The following SNTG1 variants were observed in gnomAD, a reference collection of about 807,000 sequenced individuals.
The protein encoded by SNTG1 is gamma-1-syntrophin.
In SNTG1, 39 loss-of-function variants were observed where a neutral mutation model predicts 74.7. The ratio of observed to expected loss-of-function variants is 0.52; its 90% confidence interval spans 0.40 to 0.68. The LOEUF is 0.68. Ranked by LOEUF, SNTG1 falls within the 30% of genes least tolerant of loss-of-function variation. The probability of loss-of-function intolerance (pLI) is 0.00; values close to 1 mark genes in which losing one functional copy is unlikely to be tolerated. For missense variants in SNTG1, 685 were observed against 609.5 expected (o/e 1.12, Z -1.30); for synonymous variants, 254 against 217.1 (o/e 1.17, Z -1.49).
At position 50,206,601 on chromosome 8, in the gene SNTG1, AT is replaced by A. The variant is rs1490538447; in HGVS notation, c.-28+33970del. On this transcript the variant is annotated intron_variant, in intron 2 of 18. Coordinates refer to ENST00000642720, the MANE Select transcript of SNTG1 (RefSeq NM_018967.5). ...TGCCCTGGCCAGAACTTCCAACACT[AT>A]TTTGACTAGGAGTGGTGAGAGAGGG... 2.6e-5 allele frequency among the ~76,000 whole-genome samples: 4 copies of A among 152,188 alleles called. No individual in the cohort carries two copies. The East Asian group carries it at 7.7e-4, about 29-fold the overall frequency.
At chr8:50,647,793 GTCC>G (rs1416864528) in intron 13 of SNTG1, among the ~76,000 whole-genome samples, 1 of 151,978 alleles carries the variant, frequency 6.6e-6, no homozygotes, top group Non-Finnish European at 1.5e-5. Context: ...ATGTTTGGAA[GTCC>G]TCTTGTCATT....
chr8:50,014,580 C>A (rs1218203396), intron 1 of SNTG1, among the ~76,000 whole-genome samples: 2 of 152,164 alleles, frequency 1.3e-5, no homozygotes, highest in Non-Finnish European at 2.9e-5. Context: ...ACGGTCCTCC[C>A]TAAGCAGGAA....
At chr8:50,436,089 T>C (rs1002847469) in intron 4 of SNTG1, among the ~76,000 whole-genome samples, 4 of 152,168 alleles carry the variant, frequency 2.6e-5, no homozygotes, top group Non-Finnish European at 5.9e-5. Context: ...CTCTACAAAA[T>C]TTAGGGGATG....
chr8:50,493,149 G>A (rs904131126), intron 8 of SNTG1, among the ~76,000 whole-genome samples: 6 of 152,074 alleles, frequency 3.9e-5, no homozygotes, highest in Non-Finnish European at 7.4e-5. Flanking sequence ...TAGAATATAC[G>A]GAAATACAAA....
intron 16 of SNTG1, among the ~76,000 whole-genome samples, chr8:50,706,543 TTTG>T (rs2095443962): frequency 6.6e-6 from 1 of 152,166 alleles, no homozygotes; most frequent in African/African-American, 2.4e-5. Flanking sequence ...AGATAAAATC[TTTG>T]AATCTGGGCT....
At chr8:50,228,628 T>C (rs1047025837) in intron 2 of SNTG1, among the ~76,000 whole-genome samples, 10 of 151,926 alleles carry the variant, frequency 6.6e-5, no homozygotes, top group Non-Finnish European at 1.5e-4. Flanking sequence ...AGTGAAATGT[T>C]TAAAATATTA....
intron 13 of SNTG1, among the ~76,000 whole-genome samples, chr8:50,619,355 T>G (rs1459649978): frequency 6.6e-6 from 1 of 152,206 alleles, no homozygotes; most frequent in Non-Finnish European, 1.5e-5. Context: ...TTTATCTGCT[T>G]TCTGTTCAGT....
At chr8:50,088,152 G>T (rs1456957579) in intron 1 of SNTG1, among the ~76,000 whole-genome samples, 1 of 151,182 alleles carries the variant, frequency 6.6e-6, no homozygotes, top group Non-Finnish European at 1.5e-5. Flanking sequence ...TGGCGTATAT[G>T]TGCCACATTT....
chr8:50,300,113 A>C (rs1363154790), intron 2 of SNTG1, among the ~76,000 whole-genome samples: 1 of 152,152 alleles, frequency 6.6e-6, no homozygotes, highest in Non-Finnish European at 1.5e-5. Context: ...AATGCAGAGA[A>C]GTCCAATAAT....
At chr8:49,974,643 G>T (rs1437744495) in intron 1 of SNTG1, among the ~76,000 whole-genome samples, 1 of 152,032 alleles carries the variant, frequency 6.6e-6, no homozygotes, top group African/African-American at 2.4e-5. Context: ...GTGACTTTGT[G>T]GTTCCCTACA....
At chr8:50,614,819 A>G (rs781776820) in intron 13 of SNTG1, among the ~76,000 whole-genome samples, 1 of 152,202 alleles carries the variant, frequency 6.6e-6, no homozygotes. Context: ...CCATGAATGC[A>G]TTATACATAC....
At chr8:50,605,355 A>G (rs755656023) in intron 13 of SNTG1, among the ~76,000 whole-genome samples, 2 of 152,094 alleles carry the variant, frequency 1.3e-5, no homozygotes, top group African/African-American at 2.4e-5. Context: ...ACTGCCTTTC[A>G]ACTTTACTTA....
At position 50,375,215 on chromosome 8, in the gene SNTG1, T is replaced by C. The variant is rs138878603; in HGVS notation, c.-27-18997T>C. Reference sequence around the variant, plus strand: ...ATGAGATGTTTGCATTACTGACTTTTGTGGACATAGAGCCTTGAATCTATA... The same window carrying C: ...ATGAGATGTTTGCATTACTGACTTTCGTGGACATAGAGCCTTGAATCTATA... On this transcript the variant is annotated intron_variant, in intron 2 of 18. Transcript: ENST00000642720. Among the ~76,000 whole-genome samples, 937 of 152,238 alleles carry C rather than the reference T, an allele frequency of 6.2e-3. 4 individuals are homozygous for C. Among genetic ancestry groups the C allele is most frequent in the African/African-American group, 0.022 (899 of 41,552 alleles).
At chr8:50,676,490 G>C (rs2095310186) in intron 15 of SNTG1, among the ~76,000 whole-genome samples, 1 of 151,984 alleles carries the variant, frequency 6.6e-6, no homozygotes, top group Middle Eastern at 3.4e-3. Flanking sequence ...TTGTGTGTAT[G>C]TTCTTCTCTA....
intron 13 of SNTG1, among the ~76,000 whole-genome samples, chr8:50,614,065 T>C (rs1016666033): frequency 1.3e-5 from 2 of 152,124 alleles, no homozygotes; most frequent in Non-Finnish European, 2.9e-5. Context: ...AGAACTAAGC[T>C]TCCATATTTT....
intron 12 of SNTG1, among the ~76,000 whole-genome samples, chr8:50,560,789 T>A: frequency 6.6e-6 from 1 of 152,168 alleles, no homozygotes; most frequent in Middle Eastern, 3.4e-3. Context: ...ATGAGGGGTT[T>A]ATCTGGGCAG....
chr8:50,487,833 TAA>T (rs60801957), intron 8 of SNTG1, among the ~76,000 whole-genome samples: 1 of 149,002 alleles, frequency 6.7e-6, no homozygotes, highest in African/African-American at 2.5e-5. Flanking sequence ...ACTTAAAGTA[TAA>T]AAAAAAAGTC....
At chr8:50,211,350 T>A (rs921669636) in intron 2 of SNTG1, among the ~76,000 whole-genome samples, 3 of 152,146 alleles carry the variant, frequency 2.0e-5, no homozygotes, top group Non-Finnish European at 4.4e-5. Context: ...TTTGGTAAGA[T>A]CTTTGTTATC....
intron 1 of SNTG1, among the ~76,000 whole-genome samples, chr8:50,020,741 A>G (rs945941346): frequency 6.6e-6 from 1 of 152,122 alleles, no homozygotes; most frequent in Non-Finnish European, 1.5e-5. Context: ...TATGATAGGG[A>G]GGAGAGTGAA....
Sources: gnomAD v4.1 joint callset for allele counts (sites outside exome capture counted in the v4.1 genomes callset) on GRCh38, gnomAD v4.1.1 for gene constraint, MANE v1.5 for transcripts, NCBI Gene and HGNC (gene_info 2026-07-23, HGNC 2026-07-21) for gene names.